The following PMS2 variants were observed in gnomAD, a reference collection of about 807,000 sequenced individuals.
PMS2 encodes PMS1 homolog 2, mismatch repair system component, also known as mismatch repair endonuclease PMS2.
Under a neutral mutation model 90.0 loss-of-function variants are expected in PMS2, and 69 were observed. The observed-to-expected ratio is 0.77, with a 90% confidence interval of 0.63 to 0.94. The LOEUF is 0.94. PMS2 is among the 40% of genes least tolerant of loss of function. PMS2 has a pLI of 0.00. For missense variants in PMS2, 966 were observed against 1,040.2 expected, an observed-to-expected ratio of 0.93 and a Z score of 0.98; for synonymous variants, 332 against 375.1, an observed-to-expected ratio of 0.89 and a Z score of 1.33.
chr7:5,993,840 G>T (rs1287402261), intron 8 of PMS2, among the ~76,000 whole-genome samples: 1 of 119,110 alleles, frequency 8.4e-6, no homozygotes, highest in Non-Finnish European at 1.6e-5. Flanking sequence ...CAGCCTGGGG[G>T]TGACAGAGCG....
At chr7:5,983,027 C>G (rs1201081588) in intron 11 of PMS2, 36 bp from the exon 12 acceptor site, 1 of 1,500,426 alleles carries the variant, frequency 6.7e-7, no homozygotes, top group Non-Finnish European at 9.1e-7. Flanking sequence ...AGACATTTTA[C>G]AAGATTATTT....
chr7:5,992,543 C>T (rs1783884974), intron 8 of PMS2, among the ~76,000 whole-genome samples: 1 of 152,070 alleles, frequency 6.6e-6, no homozygotes, highest in South Asian at 2.1e-4. Flanking sequence ...TGGTCTCGAA[C>T]TCCTGACCTC....
At chr7:5,978,949 C>T (rs1053640177) in intron 12 of PMS2, among the ~76,000 whole-genome samples, 1 of 148,914 alleles carries the variant, frequency 6.7e-6, no homozygotes. Flanking sequence ...AATCTCAGCA[C>T]TTTAGGAGCC....
Position 5,992,173 on chromosome 7 carries a change from G to GC in PMS2, c.904-117_904-116insG. The stretch of plus-strand genomic sequence containing the variant: ...TGTTCTTAGAAGGGGATACTTTTTT[G>GC]TTTTTTTTTTTTTTGAGTCAAGGTC... On this transcript the variant is annotated intron_variant, in intron 8 of 14. Coordinates refer to ENST00000265849, the MANE Select transcript of PMS2 (RefSeq NM_000535.7). 5.5e-6 allele frequency: 3 copies of GC among 543,508 alleles called. No homozygotes were observed. In the South Asian group the frequency reaches 5.7e-5, roughly 10 times the overall value. 33.7% of individuals were successfully genotyped at this position (543,508 alleles called of 1,614,324 possible).
chr7:6,005,111 G>C (rs1785582497), intron 2 of PMS2, among the ~76,000 whole-genome samples: 1 of 152,012 alleles, frequency 6.6e-6, no homozygotes, highest in Non-Finnish European at 1.5e-5. Context: ...CATCATGTTG[G>C]TTAGGCTGGT....
chr7:5,980,972 T>C (rs1213781921), intron 12 of PMS2, among the ~76,000 whole-genome samples: 2 of 151,714 alleles, frequency 1.3e-5, no homozygotes, highest in East Asian at 3.9e-4. Flanking sequence ...CTCAGCAAAC[T>C]ACACAGGTTC....
At position 5,987,484 on chromosome 7, in the gene PMS2, A is replaced by T. The variant is rs570853668; in HGVS notation, c.1281T>A (p.Arg427=). 3 of 1,614,128 alleles carry T rather than the reference A, an allele frequency of 1.9e-6. No individual in the cohort carries two copies. The highest frequency in any genetic ancestry group is 2.5e-6 in the Non-Finnish European group (3 of 1,180,012). ...ISRLREAFSL[R]HTTENKPHSP... is the part of the protein sequence containing the mutation. Reference sequence around the variant, plus strand: ...TGTGAGGCTTGTTCTCTGTTGTGTGACGAAGAGAAAAGGCCTCTCGCAGTC... The same window carrying T: ...TGTGAGGCTTGTTCTCTGTTGTGTGTCGAAGAGAAAAGGCCTCTCGCAGTC... Residue 427 remains arginine (R), a synonymous_variant, in exon 11 of 15, where the codon CGT becomes CGA. Transcript: ENST00000265849.
intron 8 of PMS2, among the ~76,000 whole-genome samples, chr7:5,992,664 T>A (rs1783903240): frequency 6.6e-6 from 1 of 152,138 alleles, no homozygotes; most frequent in Admixed American, 6.6e-5. Flanking sequence ...ATGACTAACA[T>A]GGAATAAACT....
intron 11 of PMS2, among the ~76,000 whole-genome samples, 167 bp downstream of exon 11, chr7:5,986,592 T>TGAC (rs1782893045): frequency 9.3e-6 from 1 of 107,824 alleles, no homozygotes; most frequent in Non-Finnish European, 2.0e-5. Context: ...CTCAGGAGGC[T>TGAC]GAGGCAGGAG....
intron 7 of PMS2, among the ~76,000 whole-genome samples, chr7:5,995,887 G>A (rs960272048): frequency 6.6e-6 from 1 of 152,148 alleles, no homozygotes; most frequent in Admixed American, 6.6e-5. Flanking sequence ...CAAAACTGAT[G>A]TGTTGCAGCT....
chr7:5,992,923 A>G (rs544811564), intron 8 of PMS2, among the ~76,000 whole-genome samples: 55 of 152,352 alleles, frequency 3.6e-4, no homozygotes, highest in African/African-American at 1.2e-3. Context: ...GTACATAGAA[A>G]AGTATCTATG....
intron 5 of PMS2, among the ~76,000 whole-genome samples, chr7:5,999,984 GTTGA>G (rs1784915305): frequency 6.6e-6 from 1 of 152,122 alleles, no homozygotes; most frequent in African/African-American, 2.4e-5. Flanking sequence ...TCATTGAGGA[GTTGA>G]TTAATTATGG....
intron 5 of PMS2, among the ~76,000 whole-genome samples, chr7:5,999,772 G>A (rs1030625098): frequency 2.7e-4 from 41 of 152,002 alleles, no homozygotes; most frequent in Admixed American, 3.9e-4. Context: ...CTCCAGCCTC[G>A]GTGACAGAGT....
intron 4 of PMS2, 141 bp downstream of exon 4, chr7:6,003,549 G>T: frequency 1.5e-6 from 1 of 650,088 alleles, no homozygotes; most frequent in Non-Finnish European, 2.7e-6. Context: ...CTATGACTTA[G>T]ATTGGCAGCG....
rs369212352 is a variant in PMS2, at chr7:6,007,228, A to G, written c.24-1197T>C. 1.6e-4 allele frequency among the ~76,000 whole-genome samples: 24 copies of G among 151,854 alleles called. No homozygotes were observed. The East Asian group carries it at 4.3e-3, about 27-fold the overall frequency. ...CCTCCCAGGTTCAAGCGATTCTCCTATCTCAGCCTCCCAAGTAGCTGGGAT... is the reference window on the plus strand; with the variant it reads ...CCTCCCAGGTTCAAGCGATTCTCCTGTCTCAGCCTCCCAAGTAGCTGGGAT... On this transcript the variant is annotated intron_variant, in intron 1 of 14. Coordinates refer to ENST00000265849, the MANE Select transcript of PMS2 (RefSeq NM_000535.7).
chr7:5,999,763 T>TC (rs1784893410), intron 5 of PMS2, among the ~76,000 whole-genome samples: 1 of 151,964 alleles, frequency 6.6e-6, no homozygotes, highest in Non-Finnish European at 1.5e-5. Flanking sequence ...ACCACTGCAC[T>TC]CCAGCCTCGG....
chr7:5,996,612 T>TATAC lies in PMS2; in HGVS notation c.803+713_803+714insGTAT, dbSNP rs1357046135. Reference sequence around the variant, plus strand: ...AAAAATATATATATATATATATATATACACACAGATAGATAGATATCTTTA... The same window carrying TATAC: ...AAAAATATATATATATATATATATATATACACACACAGATAGATAGATATCTTTA... On this transcript the variant is annotated intron_variant, in intron 7 of 14. Coordinates refer to ENST00000265849, the MANE Select transcript of PMS2 (RefSeq NM_000535.7). Among the ~76,000 whole-genome samples, 24 of 129,590 alleles carry TATAC rather than the reference T, an allele frequency of 1.9e-4. No individual in the cohort carries two copies. In the East Asian group the frequency reaches 2.3e-3, roughly 13 times the overall value. 85.0% of individuals were successfully genotyped at this position (129,590 alleles called of 152,430 possible). A position where few individuals can be genotyped will look rare whatever the true frequency, so the allele number is the denominator to read the frequency against.
At chr7:5,978,802 A>C in intron 12 of PMS2, 106 bp from the exon 13 acceptor site, 1 of 1,282,552 alleles carries the variant, frequency 7.8e-7, no homozygotes, top group East Asian at 2.6e-5. Flanking sequence ...TTCATGTCAA[A>C]ATAACAACAC....
At chr7:5,998,873 C>T (rs1784750225) in intron 6 of PMS2, among the ~76,000 whole-genome samples, 1 of 151,794 alleles carries the variant, frequency 6.6e-6, no homozygotes, top group South Asian at 2.1e-4. Flanking sequence ...TGCTTGTAAT[C>T]CCACTACTCG....
Sources: gnomAD v4.1 joint callset for allele counts (sites outside exome capture counted in the v4.1 genomes callset) on GRCh38, gnomAD v4.1.1 for gene constraint, MANE v1.5 for transcripts, NCBI Gene and HGNC (gene_info 2026-07-23, HGNC 2026-07-21) for gene names.